The following YAP1 variants were observed in gnomAD, a reference collection of about 807,000 sequenced individuals.
YAP1 encodes Yes1 associated transcriptional regulator, also known as transcriptional coactivator YAP1.
A neutral mutation model predicts 56.9 loss-of-function variants in YAP1; 5 were observed. The ratio of observed to expected loss-of-function variants is 0.09; its 90% CI spans 0.05 to 0.18. The LOEUF is 0.18. Among genes scored for constraint, YAP1 ranks in the 10% least tolerant of loss-of-function variants. The probability of loss-of-function intolerance (pLI) is 1.00; values close to 1 mark genes in which losing one functional copy is unlikely to be tolerated. For missense variants in YAP1, 539 were observed against 651.8 expected (o/e 0.83, Z 1.88); for synonymous variants, 265 against 248.1 (o/e 1.07, Z -0.64).
chr11:102,127,653 C>A (rs1469740061), intron 2 of YAP1, among the ~76,000 whole-genome samples: 1 of 152,188 alleles, frequency 6.6e-6, no homozygotes. Context: ...AGAGTCCCCA[C>A]TGGGGCACTG....
At chr11:102,112,149 C>G (rs895731838) in intron 1 of YAP1, among the ~76,000 whole-genome samples, 1 of 152,196 alleles carries the variant, frequency 6.6e-6, no homozygotes, top group Non-Finnish European at 1.5e-5. Context: ...TAATACACTG[C>G]AGGTTGACTC....
intron 3 of YAP1, among the ~76,000 whole-genome samples, chr11:102,170,332 A>AT (rs977752299): frequency 5.9e-5 from 9 of 151,986 alleles, no homozygotes; most frequent in South Asian, 2.1e-4. Context: ...GCAGATCAGT[A>AT]TTTTTTTTAA....
chr11:102,176,613 G>T (rs931944747), intron 3 of YAP1, among the ~76,000 whole-genome samples: 1 of 151,674 alleles, frequency 6.6e-6, no homozygotes, highest in African/African-American at 2.4e-5. Flanking sequence ...GGGTGTGGTG[G>T]TGCACCCCTG....
intron 3 of YAP1, among the ~76,000 whole-genome samples, chr11:102,181,938 A>G (rs372150061): frequency 1.3e-5 from 2 of 152,156 alleles, no homozygotes; most frequent in South Asian, 2.1e-4. Flanking sequence ...CTCCTGCCTC[A>G]GTCTCCTGAG....
At chr11:102,199,580 GA>G (rs1948744716) in intron 4 of YAP1, among the ~76,000 whole-genome samples, 3 of 152,256 alleles carry the variant, frequency 2.0e-5, no homozygotes, top group Admixed American at 2.0e-4. Context: ...GAACAAGCTG[GA>G]GCAGTATGTC....
chr11:102,181,507 T>C (rs1444362109), intron 3 of YAP1, among the ~76,000 whole-genome samples: 2 of 152,188 alleles, frequency 1.3e-5, no homozygotes, highest in Admixed American at 6.5e-5. Flanking sequence ...ATCCATTCTT[T>C]TTACTTCCTG....
intron 2 of YAP1, among the ~76,000 whole-genome samples, chr11:102,119,532 ATTTTCT>A (rs1943520022): frequency 6.6e-6 from 1 of 151,852 alleles, no homozygotes; most frequent in African/African-American, 2.4e-5. Flanking sequence ...TGGTAGGCTA[ATTTTCT>A]TTTTAAAGTC....
intron 4 of YAP1, among the ~76,000 whole-genome samples, chr11:102,191,160 C>G (rs957714788): frequency 7.6e-6 from 1 of 131,520 alleles, no homozygotes; most frequent in Non-Finnish European, 1.6e-5. Flanking sequence ...GGCAACAGAG[C>G]GAGACTCCAT....
intron 2 of YAP1, among the ~76,000 whole-genome samples, chr11:102,151,675 G>GTA (rs1945664980): frequency 6.6e-6 from 1 of 152,180 alleles, no homozygotes; most frequent in Non-Finnish European, 1.5e-5. Flanking sequence ...TTGGCACTTA[G>GTA]TAGGTGTTCA....
Position 102,140,571 on chromosome 11 carries a change from G to A in YAP1, c.573-21885G>A, listed in dbSNP as rs150715602. On this transcript the variant is annotated intron_variant, in intron 2 of 8. Coordinates refer to ENST00000282441, the MANE Select transcript of YAP1 (RefSeq NM_001130145.3). ...TTAAAAATGACATCTTAGGCCTGGC[G>A]TGGTGGCTCACACCTGTAATCCCAG... 5.5e-4 allele frequency among the ~76,000 whole-genome samples: 84 copies of A among 152,272 alleles called. No individual in the cohort carries two copies. In the East Asian group the frequency reaches 0.015, roughly 28 times the overall value.
intron 6 of YAP1, among the ~76,000 whole-genome samples, chr11:102,211,432 G>A (rs1469396557): frequency 6.6e-6 from 1 of 152,220 alleles, no homozygotes; most frequent in South Asian, 2.1e-4. Context: ...CTTGAAAGAG[G>A]TTTTTAAAAA....
At chr11:102,128,079 C>A (rs1944144214) in intron 2 of YAP1, among the ~76,000 whole-genome samples, 1 of 152,140 alleles carries the variant, frequency 6.6e-6, no homozygotes, top group Non-Finnish European at 1.5e-5. Flanking sequence ...TTTGCCTTGT[C>A]TCTGATGAGA....
intron 2 of YAP1, among the ~76,000 whole-genome samples, chr11:102,143,033 TTAAG>T (rs1945108241): frequency 1.3e-5 from 2 of 152,180 alleles, no homozygotes; most frequent in African/African-American, 2.4e-5. Flanking sequence ...TTTGAAGAGA[TTAAG>T]TAACTTAAAC....
chr11:102,221,763 T>A (rs1196386376), intron 6 of YAP1, among the ~76,000 whole-genome samples: 2 of 151,958 alleles, frequency 1.3e-5, no homozygotes, highest in Admixed American at 6.6e-5. Context: ...GCACATCTTA[T>A]AACGTAACTA....
At chr11:102,133,603 T>C (rs536049479) in intron 2 of YAP1, among the ~76,000 whole-genome samples, 54 of 152,304 alleles carry the variant, frequency 3.5e-4, no homozygotes, top group Non-Finnish European at 6.9e-4. Flanking sequence ...GGCCTAGAAT[T>C]GTTTATCTAA....
chr11:102,203,620 A>G (rs1948986236), intron 4 of YAP1, among the ~76,000 whole-genome samples: 1 of 152,226 alleles, frequency 6.6e-6, no homozygotes, highest in Admixed American at 6.5e-5. Flanking sequence ...TGATGAGTAC[A>G]CAAGGATTCA....
chr11:102,182,369 A>G (rs915801762), intron 3 of YAP1, among the ~76,000 whole-genome samples: 2 of 152,176 alleles, frequency 1.3e-5, no homozygotes, highest in African/African-American at 4.8e-5. Flanking sequence ...TGGTAATCCT[A>G]CATTTCCCCC....
chr11:102,199,662 G>A (rs184136263), intron 4 of YAP1, among the ~76,000 whole-genome samples: 2 of 152,228 alleles, frequency 1.3e-5, no homozygotes, highest in African/African-American at 2.4e-5. Flanking sequence ...GACACAACTA[G>A]GGTAGGAATT....
chr11:102,199,441 C>T (rs1209193365), intron 4 of YAP1, among the ~76,000 whole-genome samples: 1 of 152,174 alleles, frequency 6.6e-6, no homozygotes, highest in East Asian at 1.9e-4. Context: ...GTATCCATTG[C>T]CCTATAAAAT....
Sources: allele counts gnomAD v4.1 joint callset (sites outside exome capture counted in the v4.1 genomes callset), GRCh38; gene constraint gnomAD v4.1.1; transcripts MANE v1.5; gene names NCBI Gene and HGNC (gene_info 2026-07-23, HGNC 2026-07-21).